ZRSR2: variants seen among roughly 807,000 people sequenced by gnomAD.
ZRSR2 encodes zinc finger CCCH-type, RNA binding motif and serine/arginine rich 2.
Under a neutral mutation model 39.4 loss-of-function variants are expected in ZRSR2, and 3 were observed. The ratio of observed to expected loss-of-function variants is 0.08; its 90% CI spans 0.03 to 0.20. The LOEUF (loss-of-function observed/expected upper bound fraction) is 0.20. Among genes scored for constraint, ZRSR2 ranks in the 10% least tolerant of loss-of-function variants. ZRSR2 has a pLI of 1.00. For synonymous variants in ZRSR2, 137 were observed against 136.0 expected (o/e 1.01, Z -0.05); for missense variants, 256 against 391.5 (o/e 0.65, Z 2.92).
chrX:15,809,666 C>T (rs186413950), intron 7 of ZRSR2, among the ~76,000 whole-genome samples: 9 of 112,026 alleles, frequency 8.0e-5, no homozygotes, highest in Non-Finnish European at 1.5e-4. Context: ...GAGCTTAGAG[C>T]AGCTTGGCTT....
At chrX:15,790,853 C>G in intron 1 of ZRSR2, 81 bp from the exon 2 acceptor site, 4 of 956,634 alleles carry the variant, frequency 4.2e-6, no homozygotes, top group Non-Finnish European at 6.0e-6. Flanking sequence ...TATTTCCTTT[C>G]ATTGGGCACA....
intron 2 of ZRSR2, among the ~76,000 whole-genome samples, chrX:15,793,531 A>G (rs1043128685): frequency 9.0e-6 from 1 of 111,106 alleles, no homozygotes; most frequent in African/African-American, 3.3e-5. Context: ...ACTGTAGACT[A>G]TGGAACACTC....
chrX:15,795,929 TG>T (rs1054397971), intron 2 of ZRSR2, among the ~76,000 whole-genome samples: 17 of 112,153 alleles, frequency 1.5e-4, no homozygotes, highest in Admixed American at 1.4e-3. Context: ...GAGGGCAGCC[TG>T]GCCAACATGG....
chrX:15,806,206 G>A (rs1357901963), intron 5 of ZRSR2, among the ~76,000 whole-genome samples: 2 of 103,764 alleles, frequency 1.9e-5, no homozygotes, highest in Non-Finnish European at 4.0e-5. Flanking sequence ...TGAGGGAGAG[G>A]GGGCAGTGGA....
chrX:15,791,279 G>A (rs754921033), intron 2 of ZRSR2, among the ~76,000 whole-genome samples: 1 of 112,121 alleles, frequency 8.9e-6, no homozygotes, highest in East Asian at 2.8e-4. Context: ...CAAGCTTCAT[G>A]AATTACAGCA....
chrX:15,804,877 TAA>T (rs11316753), intron 5 of ZRSR2, among the ~76,000 whole-genome samples: 139 of 101,895 alleles, frequency 1.4e-3, no homozygotes, highest in African/African-American at 3.0e-3. Flanking sequence ...GTTGCTTATT[TAA>T]AAAAAAAAAA....
At chrX:15,812,884 A>C (rs947333512) in intron 7 of ZRSR2, among the ~76,000 whole-genome samples, 4 of 112,236 alleles carry the variant, frequency 3.6e-5, no homozygotes, top group Non-Finnish European at 5.6e-5. Context: ...GAAAGACAGA[A>C]ATTTTCCTGG....
intron 7 of ZRSR2, among the ~76,000 whole-genome samples, chrX:15,811,787 C>A (rs1932887517): frequency 8.9e-6 from 1 of 111,897 alleles, no homozygotes; most frequent in Admixed American, 9.4e-5. Flanking sequence ...ATTTCGAGAA[C>A]TTGGTTGACA....
intron 7 of ZRSR2, among the ~76,000 whole-genome samples, chrX:15,813,520 A>C (rs769287872): frequency 8.9e-6 from 1 of 112,241 alleles, no homozygotes; most frequent in East Asian, 2.8e-4. Context: ...CCTTTTGTAT[A>C]CACTTAGATT....
intron 7 of ZRSR2, among the ~76,000 whole-genome samples, chrX:15,814,226 A>G (rs1020463161): frequency 8.9e-6 from 1 of 112,072 alleles, no homozygotes; most frequent in Non-Finnish European, 1.9e-5. Flanking sequence ...ACTCATATGA[A>G]GGATTTTTGA....
rs1932842042 is a variant in ZRSR2 at position 15,809,131 on chromosome X, T to A, written c.439-69T>A. 4 of 748,951 alleles carry A rather than the reference T, an allele frequency of 5.3e-6. No individual in the cohort carries two copies. In the East Asian group the frequency reaches 1.3e-4, roughly 24 times the overall value. 61.7% of individuals were successfully genotyped at this position (748,951 alleles called of 1,213,427 possible). A position where few individuals can be genotyped will look rare whatever the true frequency, so the allele number is the denominator to read the frequency against. On this transcript the variant is annotated intron_variant, in intron 6 of 10. Coordinates refer to ENST00000307771, the MANE Select transcript of ZRSR2 (RefSeq NM_005089.4). The stretch of plus-strand genomic sequence containing the variant: ...TTTATCTTTGAGGAAAATATTTTAA[T>A]ATACTTTGAAACATTTCGTCTTTCA...
chrX:15,815,829 T>A lies in ZRSR2; in HGVS notation c.710T>A (p.Leu237Gln), dbSNP rs906630782. Reference sequence around the variant, plus strand: ...GAGGAAGAAACCTACCAACAGTTCCTAGACTTCTATGAGGATGTGTTGCCC... The same window carrying A: ...GAGGAAGAAACCTACCAACAGTTCCAAGACTTCTATGAGGATGTGTTGCCC... ...YSEEETYQQF[L>Q]DFYEDVLPEF... Residue 237 changes from leucine to glutamine, a missense_variant, in exon 8 of 11, where the codon CTA becomes CAA. Leu to Gln is a moderately radical substitution (Grantham distance 113). Coordinates refer to ENST00000307771, the MANE Select transcript of ZRSR2 (RefSeq NM_005089.4). 11 of 1,208,719 alleles carry A rather than the reference T, an allele frequency of 9.1e-6. No individual in the cohort carries two copies. The highest frequency in any genetic ancestry group is 6.7e-6 in the Non-Finnish European group (6 of 894,842).
At chrX:15,801,587 T>A (rs144136489) in intron 3 of ZRSR2, 106 of 152,551 alleles carry the variant, frequency 6.9e-4, no homozygotes, top group African/African-American at 3.1e-3. Flanking sequence ...GGAGATAAAG[T>A]CAATCACAGT....
At chrX:15,794,955 T>C (rs1230478599) in intron 2 of ZRSR2, among the ~76,000 whole-genome samples, 1 of 111,337 alleles carries the variant, frequency 9.0e-6, no homozygotes, top group Non-Finnish European at 1.9e-5. Flanking sequence ...GTTTTCTTCC[T>C]CATCACCTTG....
At chrX:15,819,536 C>T (rs748374588) in intron 9 of ZRSR2, among the ~76,000 whole-genome samples, 78 of 110,562 alleles carry the variant, frequency 7.1e-4, no homozygotes, top group African/African-American at 2.4e-3. Context: ...ATGACTGTAC[C>T]ACGACACTCT....
intron 9 of ZRSR2, among the ~76,000 whole-genome samples, chrX:15,819,052 G>A (rs1933039905): frequency 1.8e-5 from 2 of 110,917 alleles, no homozygotes; most frequent in South Asian, 3.8e-4. Flanking sequence ...GATTACAGGC[G>A]TGAGCCACTG....
intron 3 of ZRSR2, among the ~76,000 whole-genome samples, chrX:15,800,655 C>A (rs1932644403): frequency 8.9e-6 from 1 of 112,266 alleles, no homozygotes; most frequent in Non-Finnish European, 1.9e-5. Flanking sequence ...GATATTTATA[C>A]ATATTTTTCT....
chrX:15,821,344 A>C (rs182741322), intron 10 of ZRSR2, among the ~76,000 whole-genome samples: 27 of 108,798 alleles, frequency 2.5e-4, no homozygotes, highest in African/African-American at 9.0e-4. Context: ...AAAAAAAAAA[A>C]CACTTTATTT....
chrX:15,805,543 C>T (rs1379501877), intron 5 of ZRSR2, among the ~76,000 whole-genome samples: 1 of 112,315 alleles, frequency 8.9e-6, no homozygotes, highest in Non-Finnish European at 1.9e-5. Flanking sequence ...GTGAAAGACA[C>T]AGTCTTTGCT....
Sources: gnomAD v4.1 joint callset for allele counts (sites outside exome capture counted in the v4.1 genomes callset) on GRCh38, gnomAD v4.1.1 for gene constraint, MANE v1.5 for transcripts, NCBI Gene and HGNC (gene_info 2026-07-23, HGNC 2026-07-21) for gene names.